The following GRID2 variants were observed in gnomAD, a reference collection of about 807,000 sequenced individuals.
GRID2 encodes glutamate receptor ionotropic, delta-2.
Under a neutral mutation model 114.8 loss-of-function variants are expected in GRID2, and 33 were observed. The ratio of observed to expected loss-of-function variants is 0.29; its 90% CI spans 0.22 to 0.38. The LOEUF (loss-of-function observed/expected upper bound fraction) is 0.38, where lower values mean the gene tolerates loss of function less well. Ranked by LOEUF, GRID2 falls within the 10% of genes least tolerant of loss-of-function variation. The probability of loss-of-function intolerance (pLI) is 1.00; values close to 1 mark genes in which losing one functional copy is unlikely to be tolerated. For missense variants in GRID2, 1,184 were observed against 1,257.7 expected, an observed-to-expected ratio of 0.94 and a Z score of 0.89; for synonymous variants, 505 against 449.9, an observed-to-expected ratio of 1.12 and a Z score of -1.55.
rs140131410 is a variant in GRID2, at chr4:93,069,730, G to A, written c.245-15265G>A. On this transcript the variant is annotated intron_variant, in intron 2 of 15. Coordinates refer to ENST00000282020, the MANE Select transcript of GRID2 (RefSeq NM_001510.4). ...AGAGGTGCCTGAAAACCATCTTGTC[G>A]GTCAATCACTGCCTTTAATGCCTGA... 3.3e-5 allele frequency among the ~76,000 whole-genome samples: 5 copies of A among 152,056 alleles called. No homozygotes were observed. In the East Asian group the frequency reaches 5.8e-4, roughly 18 times the overall value.
intron 2 of GRID2, among the ~76,000 whole-genome samples, chr4:92,669,282 T>TATA (rs749329299): frequency 1.3e-5 from 2 of 151,862 alleles, no homozygotes; most frequent in Non-Finnish European, 2.9e-5. Context: ...CTCTATGCCT[T>TATA]ATAATACTCA....
chr4:93,071,505 A>C (rs1728802262), intron 2 of GRID2, among the ~76,000 whole-genome samples: 1 of 152,144 alleles, frequency 6.6e-6, no homozygotes, highest in African/African-American at 2.4e-5. Context: ...GATAACTATT[A>C]AGGAAAATAT....
At chr4:93,442,422 T>C (rs1166983922) in intron 10 of GRID2, among the ~76,000 whole-genome samples, 3 of 152,028 alleles carry the variant, frequency 2.0e-5, no homozygotes, top group African/African-American at 7.2e-5. Context: ...AGAAACAATA[T>C]ATATTGTTAA....
rs150727549 is a variant in GRID2 at position 92,962,400 on chromosome 4, T to C, written c.245-122595T>C. On this transcript the variant is annotated intron_variant, in intron 2 of 15. Coordinates refer to ENST00000282020, the MANE Select transcript of GRID2 (RefSeq NM_001510.4). The stretch of plus-strand genomic sequence containing the variant: ...TCTGGACTGCAACCTTCACAAGTGC[T>C]TCTCTGTTCCCCCTCCCACCCTCTT... Among the ~76,000 whole-genome samples the C allele has an allele frequency of 3.8e-3, 581 of 151,924 alleles. 2 individuals are homozygous for C. The highest frequency in any genetic ancestry group is 0.012 in the African/African-American group (508 of 41,474).
At chr4:92,741,304 C>T (rs1414161816) in intron 2 of GRID2, among the ~76,000 whole-genome samples, 2 of 152,070 alleles carry the variant, frequency 1.3e-5, no homozygotes, top group Non-Finnish European at 2.9e-5. Flanking sequence ...TCACATTGCA[C>T]CATATAAGAT....
intron 12 of GRID2, among the ~76,000 whole-genome samples, chr4:93,514,422 T>TACACACACACACACACAC (rs56718347): frequency 2.1e-5 from 3 of 139,662 alleles, no homozygotes; most frequent in African/African-American, 8.0e-5. Context: ...ACCTCCACAG[T>TACACACACACACACACAC]ACACACACAC....
intron 1 of GRID2, among the ~76,000 whole-genome samples, chr4:93,801,557 A>G (rs577069055): frequency 6.6e-6 from 1 of 152,316 alleles, no homozygotes; most frequent in African/African-American, 2.4e-5. Flanking sequence ...TGGGTATAAA[A>G]TAATTAACTC....
At chr4:93,447,528 G>A (rs1722202532) in intron 10 of GRID2, among the ~76,000 whole-genome samples, 1 of 151,878 alleles carries the variant, frequency 6.6e-6, no homozygotes, top group African/African-American at 2.4e-5. Context: ...GGAACAGTAA[G>A]TACAACTTTA....
intron 2 of GRID2, among the ~76,000 whole-genome samples, chr4:93,038,837 T>A (rs1205794053): frequency 1.3e-5 from 2 of 151,032 alleles, no homozygotes; most frequent in African/African-American, 4.9e-5. Context: ...GGAGAGGATG[T>A]GGAGAAATAG....
intron 2 of GRID2, among the ~76,000 whole-genome samples, chr4:92,592,186 C>T (rs1220529987): frequency 6.6e-6 from 1 of 152,096 alleles, no homozygotes; most frequent in Non-Finnish European, 1.5e-5. Context: ...TTTCTTAACT[C>T]TTATTTGTAA....
At chr4:93,722,293 C>G (rs1729452204) in intron 14 of GRID2, among the ~76,000 whole-genome samples, 1 of 151,918 alleles carries the variant, frequency 6.6e-6, no homozygotes, top group African/African-American at 2.4e-5. Flanking sequence ...TTAACCCCAC[C>G]CCAAGGTTAT....
intron 2 of GRID2, among the ~76,000 whole-genome samples, chr4:92,839,174 G>T (rs1477499771): frequency 6.6e-6 from 1 of 152,006 alleles, no homozygotes; most frequent in East Asian, 1.9e-4. Context: ...TCATTTTAAT[G>T]AGGTATCTTA....
chr4:93,077,015 G>C (rs899083619), intron 2 of GRID2, among the ~76,000 whole-genome samples: 24 of 152,042 alleles, frequency 1.6e-4, no homozygotes, highest in Admixed American at 1.6e-3. Context: ...TAAAACATGG[G>C]AATGACATAA....
At chr4:93,565,416 A>G (rs1735311636) in intron 13 of GRID2, among the ~76,000 whole-genome samples, 1 of 152,164 alleles carries the variant, frequency 6.6e-6, no homozygotes, top group South Asian at 2.1e-4. Flanking sequence ...AAATGAATCT[A>G]CAATTATCTA....
At chr4:93,044,815 G>A (rs1209335371) in intron 2 of GRID2, among the ~76,000 whole-genome samples, 1 of 152,124 alleles carries the variant, frequency 6.6e-6, no homozygotes, top group Non-Finnish European at 1.5e-5. Context: ...TGTGATCATG[G>A]CAAGGTATCA....
intron 10 of GRID2, among the ~76,000 whole-genome samples, chr4:93,431,853 C>T (rs1397167740): frequency 6.6e-6 from 1 of 152,052 alleles, no homozygotes; most frequent in Non-Finnish European, 1.5e-5. Flanking sequence ...TATCCTGGAA[C>T]AGATTCAACT....
chr4:92,411,655 G>GTGTGTATATATATA, intron 1 of GRID2, among the ~76,000 whole-genome samples: 2 of 84,722 alleles, frequency 2.4e-5, no homozygotes, highest in African/African-American at 1.2e-4. Context: ...GTGTGTGTGT[G>GTGTGTATATATATA]TATATATATA....
chr4:93,096,673 T>G (rs1184088789), intron 3 of GRID2, among the ~76,000 whole-genome samples: 1 of 152,008 alleles, frequency 6.6e-6, no homozygotes, highest in Non-Finnish European at 1.5e-5. Context: ...CTAGATTGGC[T>G]GAAGGCAAAG....
At chr4:92,367,826 C>G (rs1411770493) in intron 1 of GRID2, among the ~76,000 whole-genome samples, 1 of 152,128 alleles carries the variant, frequency 6.6e-6, no homozygotes, top group Non-Finnish European at 1.5e-5. Flanking sequence ...ATTACTTCAG[C>G]TACTCTGATC....
Sources: gnomAD v4.1 joint callset for allele counts (sites outside exome capture counted in the v4.1 genomes callset) on GRCh38, gnomAD v4.1.1 for gene constraint, MANE v1.5 for transcripts, NCBI Gene and HGNC (gene_info 2026-07-23, HGNC 2026-07-21) for gene names.